The following KCNQ5 variants were observed in gnomAD, a reference collection of about 807,000 sequenced individuals.
KCNQ5 encodes potassium voltage-gated channel subfamily Q member 5.
KCNQ5 carries 30 observed loss-of-function variants against 98.2 expected under a neutral mutation model. The observed-to-expected ratio is 0.31, with a 90% CI of 0.23 to 0.41. The LOEUF is 0.41. Among genes scored for constraint, KCNQ5 ranks in the 10% least tolerant of loss-of-function variants. The pLI, the probability that KCNQ5 is intolerant of heterozygous loss-of-function variation, is 1.00. For missense variants in KCNQ5, 835 were observed against 1,182.5 expected, an observed-to-expected ratio of 0.71 and a Z score of 4.31; for synonymous variants, 458 against 449.4, an observed-to-expected ratio of 1.02 and a Z score of -0.24.
At chr6:73,149,524 G>A (rs574137906) in intron 10 of KCNQ5, among the ~76,000 whole-genome samples, 3 of 152,320 alleles carry the variant, frequency 2.0e-5, no homozygotes, top group African/African-American at 7.2e-5. Context: ...TAGGCTGGGT[G>A]TGGTGGCTCA....
rs1336655246 is a variant in KCNQ5, at chr6:73,134,665, A to G, written c.1468+1024A>G. On this transcript the variant is annotated intron_variant, in intron 10 of 13. Coordinates refer to ENST00000370398, the MANE Select transcript of KCNQ5 (RefSeq NM_019842.4). ...AAGTCACCTCTTCACGCCTCACTCC[A>G]CACCCCTGTGGGTGCCATGCTCTTC... 4 of 152,522 alleles carry G rather than the reference A, an allele frequency of 2.6e-5. 1 individual carries two copies. The highest frequency in any genetic ancestry group is 9.6e-5 in the African/African-American group (4 of 41,574). 9.4% of individuals were successfully genotyped at this position (152,522 alleles called of 1,614,324 possible).
At chr6:72,977,654 C>T (rs2150292439) in intron 1 of KCNQ5, among the ~76,000 whole-genome samples, 1 of 152,216 alleles carries the variant, frequency 6.6e-6, no homozygotes, top group South Asian at 2.1e-4. Flanking sequence ...CAGTAAATGT[C>T]ACCTTTTCAG....
At chr6:72,781,748 A>C (rs1773485961) in intron 1 of KCNQ5, among the ~76,000 whole-genome samples, 1 of 152,220 alleles carries the variant, frequency 6.6e-6, no homozygotes, top group South Asian at 2.1e-4. Context: ...GCTTGAAAAA[A>C]AGTATTATAT....
At chr6:73,058,549 CAATT>C (rs1302021634) in intron 3 of KCNQ5, among the ~76,000 whole-genome samples, 1 of 152,116 alleles carries the variant, frequency 6.6e-6, no homozygotes, top group Non-Finnish European at 1.5e-5. Context: ...CTAATTTTGT[CAATT>C]AAACTAAAGG....
intron 10 of KCNQ5, among the ~76,000 whole-genome samples, chr6:73,142,140 G>C (rs2797091): frequency 0.068 from 10,303 of 152,218 alleles, 507 homozygotes; most frequent in African/African-American, 0.14. Flanking sequence ...AGAGTACGCA[G>C]AGAGAAGCTG....
At position 72,956,749 on chromosome 6, in the gene KCNQ5, T is replaced by C. The variant is rs576708602; in HGVS notation, c.399-47159T>C. ...TGAAATCTTACATGCAAAACCTATG[T>C]ATTCAACAGATTAAAACTGAGATAC... On this transcript the variant is annotated intron_variant, in intron 1 of 13. Transcript: ENST00000370398. 7.8e-4 allele frequency among the ~76,000 whole-genome samples: 118 copies of C among 151,954 alleles called. 1 individual carries two copies. The highest frequency in any genetic ancestry group is 2.8e-3 in the African/African-American group (117 of 41,458).
intron 1 of KCNQ5, among the ~76,000 whole-genome samples, chr6:72,751,182 A>C (rs1771660556): frequency 6.6e-6 from 1 of 151,988 alleles, no homozygotes; most frequent in Non-Finnish European, 1.5e-5. Flanking sequence ...ATTTTAGGGG[A>C]TAGGCAATTT....
chr6:72,866,876 G>C (rs1171395356), intron 1 of KCNQ5, among the ~76,000 whole-genome samples: 1 of 152,054 alleles, frequency 6.6e-6, no homozygotes. Flanking sequence ...CTTTAATTTG[G>C]AAAACTACAT....
At chr6:73,181,576 A>G (rs1778406019) in intron 11 of KCNQ5, among the ~76,000 whole-genome samples, 1 of 152,270 alleles carries the variant, frequency 6.6e-6, no homozygotes, top group South Asian at 2.1e-4. Context: ...TCAAAGAAGG[A>G]GAGACATAGT....
intron 9 of KCNQ5, chr6:73,129,754 A>G: frequency 6.4e-7 from 1 of 1,561,772 alleles, no homozygotes. Flanking sequence ...TATTCGTGAA[A>G]TGCTTAGTAA....
At chr6:72,952,378 T>C (rs1453360951) in intron 1 of KCNQ5, among the ~76,000 whole-genome samples, 2 of 152,188 alleles carry the variant, frequency 1.3e-5, no homozygotes, top group Non-Finnish European at 2.9e-5. Flanking sequence ...TCCTTGAAAA[T>C]AAATTTTATT....
intron 1 of KCNQ5, among the ~76,000 whole-genome samples, chr6:72,706,300 A>G (rs75441019): frequency 0.036 from 5,454 of 152,004 alleles, 121 homozygotes; most frequent in Middle Eastern, 0.13. Flanking sequence ...TTTTCTGTGT[A>G]AGATGAAGGA....
At chr6:72,797,719 T>A (rs185931211) in intron 1 of KCNQ5, among the ~76,000 whole-genome samples, 2 of 152,254 alleles carry the variant, frequency 1.3e-5, no homozygotes, top group Admixed American at 1.3e-4. Flanking sequence ...AGTGGCTTAG[T>A]GCATGAGTTA....
intron 11 of KCNQ5, among the ~76,000 whole-genome samples, chr6:73,179,060 T>C (rs2150512575): frequency 6.6e-6 from 1 of 152,274 alleles, no homozygotes; most frequent in South Asian, 2.1e-4. Context: ...TTGGGGTCCG[T>C]GCTTTTAAGA....
chr6:72,764,130 T>C (rs1170100878), intron 1 of KCNQ5, among the ~76,000 whole-genome samples: 2 of 152,084 alleles, frequency 1.3e-5, no homozygotes, highest in East Asian at 3.9e-4. Context: ...AAGGTCATAC[T>C]TAGAACACTG....
intron 1 of KCNQ5, among the ~76,000 whole-genome samples, chr6:72,941,225 C>A (rs1766215766): frequency 6.6e-6 from 1 of 152,138 alleles, no homozygotes; most frequent in Admixed American, 6.5e-5. Context: ...TTCCTTCTAT[C>A]TGCATGCATA....
chr6:72,744,787 G>A (rs932833221), intron 1 of KCNQ5, among the ~76,000 whole-genome samples: 1 of 151,834 alleles, frequency 6.6e-6, no homozygotes, highest in Non-Finnish European at 1.5e-5. Context: ...CTCCAGACTG[G>A]TGACAGAGCG....
chr6:72,840,365 C>T (rs1176821667), intron 1 of KCNQ5, among the ~76,000 whole-genome samples: 1 of 152,236 alleles, frequency 6.6e-6, no homozygotes, highest in African/African-American at 2.4e-5. Flanking sequence ...CTATTGTGTC[C>T]TGTGCTTGCA....
At chr6:73,049,245 A>G (rs73753234) in intron 3 of KCNQ5, among the ~76,000 whole-genome samples, 323 of 152,352 alleles carry the variant, frequency 2.1e-3, no homozygotes, top group African/African-American at 7.5e-3. Flanking sequence ...ACTGTGCAGG[A>G]GGAGACTTTT....
Sources: gnomAD v4.1 joint callset for allele counts (sites outside exome capture counted in the v4.1 genomes callset) on GRCh38, gnomAD v4.1.1 for gene constraint, MANE v1.5 for transcripts, NCBI Gene and HGNC (gene_info 2026-07-23, HGNC 2026-07-21) for gene names.